Variants in SUDS3 observed in about 807,000 individuals in gnomAD.
SUDS3 encodes the protein sin3 histone deacetylase corepressor complex component SDS3.
A neutral mutation model predicts 53.5 loss-of-function variants in SUDS3; 23 were observed. That is an observed-to-expected ratio of 0.43 (90% CI 0.31 to 0.61). SUDS3 has a LOEUF of 0.61. Among genes scored for constraint, SUDS3 ranks in the 20% least tolerant of loss-of-function variants. The probability of loss-of-function intolerance (pLI) is 0.10; values close to 1 mark genes in which losing one functional copy is unlikely to be tolerated. For missense variants in SUDS3, 291 were observed against 405.9 expected, an observed-to-expected ratio of 0.72 and a Z score of 2.43; for synonymous variants, 150 against 148.5, an observed-to-expected ratio of 1.01 and a Z score of -0.08.
intron 2 of SUDS3, among the ~76,000 whole-genome samples, chr12:118,382,721 G>A (rs2046077949): frequency 6.6e-6 from 1 of 150,682 alleles, no homozygotes; most frequent in Non-Finnish European, 1.5e-5. Flanking sequence ...AGGCTGGAGT[G>A]CAGTGGCATG....
intron 3 of SUDS3, 116 bp from the exon 4 acceptor site, chr12:118,385,998 C>T: frequency 1.2e-6 from 1 of 828,128 alleles, no homozygotes; most frequent in Non-Finnish European, 2.0e-6. Flanking sequence ...TGAGGTGTGT[C>T]TTCCTTTGGT....
chr12:118,391,705 C>T (rs1317949233), intron 6 of SUDS3, among the ~76,000 whole-genome samples: 2 of 152,216 alleles, frequency 1.3e-5, no homozygotes, highest in Non-Finnish European at 2.9e-5. Context: ...GGGAATCCCT[C>T]GCTTTGTTTT....
intron 5 of SUDS3, 154 bp from the exon 6 acceptor site, chr12:118,390,972 G>A (rs140614468): frequency 4.6e-6 from 4 of 861,412 alleles, no homozygotes; most frequent in Non-Finnish European, 3.9e-6. Context: ...TTATACCCTC[G>A]CTGGAAAGCT....
At chr12:118,393,187 T>A (rs2046183326) in intron 6 of SUDS3, among the ~76,000 whole-genome samples, 1 of 152,190 alleles carries the variant, frequency 6.6e-6, no homozygotes, top group South Asian at 2.1e-4. Context: ...TGGTGTTGGA[T>A]TAAAGGCTTG....
intron 9 of SUDS3, chr12:118,402,744 G>A (rs772467047): frequency 6.6e-6 from 1 of 151,740 alleles, no homozygotes. Flanking sequence ...TGTAAAGTTA[G>A]TAGTTCTTTA....
chr12:118,389,900 T>A lies in SUDS3; in HGVS notation c.341-27T>A, dbSNP rs776551330. The A allele has an allele frequency of 1.1e-5, 17 of 1,613,840 alleles. No homozygotes were observed. In the Admixed American group the frequency reaches 2.7e-4, roughly 25 times the overall value. On this transcript the variant is annotated intron_variant, in intron 4 of 11. Transcript: ENST00000543473. The stretch of plus-strand genomic sequence containing the variant: ...TAGAAAGGTGGCACAGCCTAGCAAA[T>A]CTAATTGCACTTTTTATCTCTTGCA...
In SUDS3 at chr12:118,376,555, G is replaced by A; in HGVS notation, c.-137G>A. The A allele has an allele frequency of 1.7e-6, 2 of 1,153,520 alleles. No individual in the cohort carries two copies. The highest frequency in any genetic ancestry group is 2.2e-6 in the Non-Finnish European group (2 of 911,814). The allele number at this position is 1,153,520 out of a possible 1,614,324, so 71.5% of individuals were successfully genotyped here. On this transcript the variant is annotated 5_prime_UTR_variant, in exon 1 of 12. Coordinates refer to ENST00000543473, the MANE Select transcript of SUDS3 (RefSeq NM_022491.3). ...GCGGGCGCGGGGGGCGGAGCTCGGCGGAGACGGGGAAGGGGTCGCCGTGGC... is the reference window on the plus strand; with the variant it reads ...GCGGGCGCGGGGGGCGGAGCTCGGCAGAGACGGGGAAGGGGTCGCCGTGGC...
chr12:118,402,007 G>A lies in SUDS3; in HGVS notation c.697+3G>A, dbSNP rs2046267157. Reference sequence around the variant, plus strand: ...GCTTAAGTCACCCAAGAGACCAGGTGAGTGCATGATGTGTTGGCATTTGTG... The same window carrying A: ...GCTTAAGTCACCCAAGAGACCAGGTAAGTGCATGATGTGTTGGCATTTGTG... On this transcript the variant is annotated splice_donor_region_variant and intron_variant, in intron 9 of 11. Coordinates refer to ENST00000543473, the MANE Select transcript of SUDS3 (RefSeq NM_022491.3). The A allele has an allele frequency of 4.3e-6, 7 of 1,613,964 alleles. No individual in the cohort carries two copies. The highest frequency in any genetic ancestry group is 5.9e-6 in the Non-Finnish European group (7 of 1,179,870).
In SUDS3 at chr12:118,389,941, C is replaced by T; in HGVS notation, c.355C>T (p.Leu119=). The T allele has an allele frequency of 6.2e-7, 1 of 1,614,048 alleles. No individual in the cohort carries two copies. Among genetic ancestry groups the T allele is most frequent in the Non-Finnish European group, 8.5e-7 (1 of 1,179,894 alleles). The change falls in exon 5 of 12, where the codon CTG becomes TTG. Residue 119 remains leucine (L), a synonymous_variant. Transcript: ENST00000543473. Reference sequence around the variant, plus strand: ...ATCTCTTGCAGAACTCTTCCTCCAGCTGGAAGTAAGTACCACGGATCTTCT... The same window carrying T: ...ATCTCTTGCAGAACTCTTCCTCCAGTTGGAAGTAAGTACCACGGATCTTCT... The part of the protein sequence containing the change: ...RIRNAELFLQ[L]ETEQVERNYI...
chr12:118,411,260 G>GTAC (rs1466866378), intron 11 of SUDS3, 103 bp downstream of exon 11: 12 of 997,960 alleles, frequency 1.2e-5, no homozygotes, highest in Non-Finnish European at 1.7e-5. Flanking sequence ...GTACAGTGGA[G>GTAC]TACTGTCTTC....
At chr12:118,377,178 C>G (rs2046006651) in intron 1 of SUDS3, among the ~76,000 whole-genome samples, 5 of 151,932 alleles carry the variant, frequency 3.3e-5, no homozygotes, top group Admixed American at 3.3e-4. Flanking sequence ...TAGTTCGCCC[C>G]TTTTTTGTGT....
chr12:118,410,533 C>G (rs1299436813), intron 10 of SUDS3, among the ~76,000 whole-genome samples: 1 of 151,690 alleles, frequency 6.6e-6, no homozygotes, highest in Non-Finnish European at 1.5e-5. Flanking sequence ...ATTAGGTGGT[C>G]TTCTAACCTA....
At chr12:118,390,974 T>C in intron 5 of SUDS3, 152 bp from the exon 6 acceptor site, 1 of 884,772 alleles carries the variant, frequency 1.1e-6, no homozygotes, top group Non-Finnish European at 1.9e-6. Context: ...ATACCCTCGC[T>C]GGAAAGCTTG....
chr12:118,383,070 T>A (rs1454624403), intron 2 of SUDS3, among the ~76,000 whole-genome samples: 1 of 151,906 alleles, frequency 6.6e-6, no homozygotes, highest in Non-Finnish European at 1.5e-5. Context: ...CCTGAAAGAG[T>A]GAGATGTGTG....
chr12:118,377,033 C>T (rs884844), intron 1 of SUDS3, among the ~76,000 whole-genome samples, 200 bp downstream of exon 1: 22,383 of 152,050 alleles, frequency 0.15, 1,705 homozygotes, highest in Middle Eastern at 0.2. Context: ...TACACTCGAC[C>T]GTGATGGGGA....
chr12:118,381,474 C>T (rs1314144704), intron 2 of SUDS3, among the ~76,000 whole-genome samples: 1 of 152,068 alleles, frequency 6.6e-6, no homozygotes, highest in Non-Finnish European at 1.5e-5. Context: ...CCTCTGCCTC[C>T]TGGGCTCAAG....
At position 118,380,246 on chromosome 12, in the gene SUDS3, C is replaced by T. The variant is rs1162643218; in HGVS notation, c.212+15C>T. 2 of 1,592,006 alleles carry T rather than the reference C, an allele frequency of 1.3e-6. No homozygotes were observed. Among genetic ancestry groups the T allele is most frequent in the Admixed American group, 3.5e-5 (2 of 57,340 alleles). ...ATGAAGGAACAGTGAGTATGATATG[C>T]CTATGTCTTTTTGGAACATAGAATT... is the stretch of plus-strand genomic sequence containing the variant. On this transcript the variant is annotated intron_variant, in intron 2 of 11. Transcript: ENST00000543473.
At chr12:118,412,729 T>C (rs190911396) in intron 11 of SUDS3, among the ~76,000 whole-genome samples, 11 of 152,186 alleles carry the variant, frequency 7.2e-5, no homozygotes, top group African/African-American at 9.6e-5. Context: ...CTCAAGATTT[T>C]TCAGAAAAAT....
chr12:118,408,178 CG>C (rs2046324857), intron 10 of SUDS3, among the ~76,000 whole-genome samples: 1 of 152,108 alleles, frequency 6.6e-6, no homozygotes, highest in Admixed American at 6.5e-5. Flanking sequence ...GGATTACAGG[CG>C]TAAGCCACTA....
Sources: allele counts gnomAD v4.1 joint callset (sites outside exome capture counted in the v4.1 genomes callset), GRCh38; gene constraint gnomAD v4.1.1; transcripts MANE v1.5; gene names NCBI Gene and HGNC (gene_info 2026-07-23, HGNC 2026-07-21).